The following CDH20 variants were observed in gnomAD, a reference collection of about 807,000 sequenced individuals.
The protein encoded by CDH20 is cadherin-20.
In CDH20, 29 loss-of-function variants were observed where a neutral mutation model predicts 74.2. The ratio of observed to expected loss-of-function variants is 0.39; its 90% CI spans 0.29 to 0.53. The LOEUF (loss-of-function observed/expected upper bound fraction) is 0.53. Ranked by LOEUF, CDH20 falls within the 20% of genes least tolerant of loss-of-function variation. CDH20 has a pLI of 0.69. For missense variants in CDH20, 988 were observed against 1,048.3 expected (o/e 0.94, Z 0.79); for synonymous variants, 469 against 405.4 (o/e 1.16, Z -1.88).
In CDH20 at chr18:61,381,731, A is replaced by G. The variant is rs369372786; in HGVS notation, c.-153+47904A>G. On this transcript the variant is annotated intron_variant, in intron 1 of 11. Coordinates refer to ENST00000262717, the MANE Select transcript of CDH20 (RefSeq NM_031891.4). ...TTCAAGTTGCTCATTAGGAACCTGT[A>G]GAATCTCTAAGAGCTGCAAATATTG... 1.7e-3 allele frequency among the ~76,000 whole-genome samples: 256 copies of G among 152,342 alleles called. 1 individual carries two copies. Among genetic ancestry groups the G allele is most frequent in the Non-Finnish European group, 3.0e-3 (204 of 68,024 alleles).
chr18:61,415,969 C>A (rs568260520), intron 1 of CDH20, among the ~76,000 whole-genome samples: 1 of 151,672 alleles, frequency 6.6e-6, no homozygotes, highest in Non-Finnish European at 1.5e-5. Context: ...GTCTGCTTAG[C>A]CTAATTGTTA....
intron 1 of CDH20, among the ~76,000 whole-genome samples, chr18:61,441,691 T>C (rs1391660424): frequency 1.3e-5 from 2 of 152,220 alleles, no homozygotes; most frequent in African/African-American, 2.4e-5. Context: ...CATTCCTTTA[T>C]TGTGGGTCCC....
intron 9 of CDH20, 58 bp from the exon 10 acceptor site, chr18:61,544,969 G>T: frequency 1.8e-6 from 2 of 1,125,344 alleles, no homozygotes; most frequent in East Asian, 2.3e-5. Flanking sequence ...GGATTTAACT[G>T]GGCCCTGGTG....
At chr18:61,440,507 A>G (rs568689829) in intron 1 of CDH20, among the ~76,000 whole-genome samples, 1 of 152,344 alleles carries the variant, frequency 6.6e-6, no homozygotes, top group Admixed American at 6.5e-5. Context: ...CAATAATAGT[A>G]TGTAACAAAG....
chr18:61,401,041 T>C (rs1299742945), intron 1 of CDH20, among the ~76,000 whole-genome samples: 1 of 152,208 alleles, frequency 6.6e-6, no homozygotes, highest in Non-Finnish European at 1.5e-5. Flanking sequence ...CTCCCTGGAA[T>C]ATCTCCTACC....
At position 61,554,632 on chromosome 18, in the gene CDH20, G is replaced by T; in HGVS notation, c.2343G>T (p.Gly781=). The change falls in exon 12 of 12, where the codon GGG becomes GGT. Residue 781 remains glycine, a synonymous_variant. Coordinates refer to ENST00000262717, the MANE Select transcript of CDH20 (RefSeq NM_031891.4). ...EQSFDFLTDW[G]PRFRKLAELY... ...GCTTCGACTTCCTGACGGACTGGGG[G>T]CCCCGCTTCCGGAAGCTGGCCGAGC... is the stretch of plus-strand genomic sequence containing the variant. The T allele has an allele frequency of 1.9e-6, 3 of 1,603,018 alleles. No homozygotes were observed. The highest frequency in any genetic ancestry group is 2.6e-6 in the Non-Finnish European group (3 of 1,175,382).
chr18:61,461,498 T>C (rs1017566501), intron 1 of CDH20, among the ~76,000 whole-genome samples: 4 of 152,106 alleles, frequency 2.6e-5, no homozygotes, highest in Non-Finnish European at 1.5e-5. Context: ...TGTAGCATCA[T>C]GAGCCCAAAC....
chr18:61,545,152 G>A lies in CDH20; in HGVS notation c.1648+8G>A. The A allele has an allele frequency of 6.4e-7, 1 of 1,564,378 alleles. No individual in the cohort carries two copies. The highest frequency in any genetic ancestry group is 8.8e-7 in the Non-Finnish European group (1 of 1,134,624). On this transcript the variant is annotated splice_region_variant and intron_variant, in intron 10 of 11. Transcript: ENST00000262717. ...CCATAAGGGACAACCAAGGTAATCA[G>A]GTGGATGGTTGGCTATCTGTGCTTT...
intron 1 of CDH20, among the ~76,000 whole-genome samples, chr18:61,488,712 T>TTG (rs1568160607): frequency 8.3e-4 from 127 of 152,218 alleles, no homozygotes; most frequent in African/African-American, 2.9e-3. Flanking sequence ...GCAGTGGCTT[T>TTG]TTTTTTGTTT....
At chr18:61,552,110 C>T (rs1476048367) in intron 11 of CDH20, among the ~76,000 whole-genome samples, 1 of 152,030 alleles carries the variant, frequency 6.6e-6, no homozygotes, top group Non-Finnish European at 1.5e-5. Flanking sequence ...TAAGATTTGA[C>T]TTGCATTTGT....
intron 7 of CDH20, among the ~76,000 whole-genome samples, chr18:61,532,309 CA>C (rs1300733928): frequency 1.3e-5 from 2 of 152,242 alleles, no homozygotes; most frequent in Non-Finnish European, 2.9e-5. Context: ...GGGTCACAGG[CA>C]GAGAGAAACA....
At chr18:61,496,026 T>A (rs1911127463) in intron 2 of CDH20, among the ~76,000 whole-genome samples, 1 of 103,180 alleles carries the variant, frequency 9.7e-6, no homozygotes. Flanking sequence ...ACCCTTCCTC[T>A]CCCACCTCTC....
intron 1 of CDH20, among the ~76,000 whole-genome samples, chr18:61,477,728 C>T (rs1181784171): frequency 2.0e-5 from 3 of 152,062 alleles, no homozygotes; most frequent in Admixed American, 1.3e-4. Context: ...AAAGACGTGG[C>T]ACATCATGCA....
chr18:61,373,049 T>G (rs1911095902), intron 1 of CDH20, among the ~76,000 whole-genome samples: 1 of 152,138 alleles, frequency 6.6e-6, no homozygotes, highest in African/African-American at 2.4e-5. Context: ...GGGCTCATGG[T>G]TAACTGATGG....
intron 7 of CDH20, among the ~76,000 whole-genome samples, chr18:61,533,749 T>G (rs1912729031): frequency 6.6e-6 from 1 of 152,244 alleles, no homozygotes; most frequent in Non-Finnish European, 1.5e-5. Flanking sequence ...GTTTGATGGT[T>G]TCAGGTCTTA....
intron 2 of CDH20, among the ~76,000 whole-genome samples, chr18:61,492,219 G>A (rs1568162247): frequency 1.3e-5 from 2 of 151,832 alleles, no homozygotes; most frequent in Non-Finnish European, 1.5e-5. Context: ...CAGAGAACTG[G>A]GGATCATTCC....
At chr18:61,508,677 C>G (rs1370581179) in intron 6 of CDH20, among the ~76,000 whole-genome samples, 1 of 152,070 alleles carries the variant, frequency 6.6e-6, no homozygotes, top group African/African-American at 2.4e-5. Context: ...CACTTTGTCA[C>G]CCAGGCTGGA....
At chr18:61,341,725 A>C (rs1278386520) in intron 1 of CDH20, among the ~76,000 whole-genome samples, 1 of 152,188 alleles carries the variant, frequency 6.6e-6, no homozygotes, top group East Asian at 1.9e-4. Context: ...TACTTTGCAC[A>C]AACTGGCAAG....
intron 1 of CDH20, among the ~76,000 whole-genome samples, chr18:61,355,973 G>C (rs1339236091): frequency 6.6e-6 from 1 of 152,198 alleles, no homozygotes; most frequent in Admixed American, 6.5e-5. Context: ...TGTAAACTTA[G>C]TCAAGTCTCT....
Sources: allele counts gnomAD v4.1 joint callset (sites outside exome capture counted in the v4.1 genomes callset), GRCh38; gene constraint gnomAD v4.1.1; transcripts MANE v1.5; gene names NCBI Gene and HGNC (gene_info 2026-07-23, HGNC 2026-07-21).